The following FUT8 variants were observed in gnomAD, a reference collection of about 807,000 sequenced individuals.
FUT8 encodes alpha-(1,6)-fucosyltransferase.
Under a neutral mutation model 71.3 loss-of-function variants are expected in FUT8, and 29 were observed. That is an observed-to-expected ratio of 0.41 (90% CI 0.30 to 0.55). The LOEUF (loss-of-function observed/expected upper bound fraction) is 0.55, where lower values mean the gene tolerates loss of function less well. Among genes scored for constraint, FUT8 ranks in the 20% least tolerant of loss-of-function variants. The pLI is 0.34. For synonymous variants in FUT8, 254 were observed against 239.3 expected, an observed-to-expected ratio of 1.06 and a Z score of -0.57; for missense variants, 544 against 702.1, an observed-to-expected ratio of 0.77 and a Z score of 2.55.
At chr14:65,639,104 A>T (rs1436562808) in intron 6 of FUT8, among the ~76,000 whole-genome samples, 1 of 152,180 alleles carries the variant, frequency 6.6e-6, no homozygotes, top group East Asian at 1.9e-4. Context: ...AAGATAAAAA[A>T]AAAAATGAAC....
At chr14:65,424,618 A>G (rs2065355530) in intron 1 of FUT8, among the ~76,000 whole-genome samples, 1 of 149,792 alleles carries the variant, frequency 6.7e-6, no homozygotes, top group Admixed American at 6.7e-5. Flanking sequence ...GCTCACTGCA[A>G]CGTCCACCTC....
At chr14:65,651,155 G>A (rs1421282319) in intron 6 of FUT8, among the ~76,000 whole-genome samples, 3 of 152,134 alleles carry the variant, frequency 2.0e-5, no homozygotes, top group Admixed American at 6.5e-5. Context: ...CAACTAGAGT[G>A]TGGAGGGAGG....
chr14:65,537,382 A>G (rs1884389657), intron 2 of FUT8, among the ~76,000 whole-genome samples: 1 of 151,324 alleles, frequency 6.6e-6, no homozygotes, highest in African/African-American at 2.4e-5. Flanking sequence ...TATGATTATT[A>G]TTATTATTAC....
intron 2 of FUT8, among the ~76,000 whole-genome samples, chr14:65,507,940 T>A (rs1156434385): frequency 2.0e-5 from 3 of 152,202 alleles, no homozygotes; most frequent in Non-Finnish European, 4.4e-5. Flanking sequence ...AGGGTTCTCT[T>A]TTTTCCACAT....
intron 5 of FUT8, among the ~76,000 whole-genome samples, chr14:65,620,621 T>G (rs927750493): frequency 2.0e-5 from 3 of 152,202 alleles, no homozygotes; most frequent in Non-Finnish European, 2.9e-5. Context: ...AAAGTTAAGT[T>G]TGGTGAACCT....
intron 1 of FUT8, among the ~76,000 whole-genome samples, chr14:65,440,172 A>C (rs1301102024): frequency 6.6e-6 from 1 of 151,758 alleles, no homozygotes; most frequent in East Asian, 1.9e-4. Flanking sequence ...ATAGAAGCAG[A>C]GAATATAATG....
chr14:65,389,456 C>T, the FUT8 span, among the ~76,000 whole-genome samples: 1 of 151,770 alleles, frequency 6.6e-6, no homozygotes, highest in Non-Finnish European at 1.5e-5. Context: ...GGATTACAGG[C>T]ACTTGCCAAC....
upstream of FUT8, chr14:65,412,513 C>A: frequency 2.8e-6 from 1 of 358,430 alleles, no homozygotes; most frequent in South Asian, 2.1e-5. Context: ...CGAGCCGGAG[C>A]CGGCGTGCGC....
rs575744868 is a variant in FUT8 at position 65,700,455 on chromosome 14, A to G, written c.836-21320A>G. Among the ~76,000 whole-genome samples, 660 of 127,464 alleles carry G rather than the reference A, an allele frequency of 5.2e-3. 1 individual carries two copies. The highest frequency in any genetic ancestry group is 7.8e-3 in the Admixed American group (76 of 9,768). The allele number at this position is 127,464 out of a possible 152,430, so 83.6% of individuals were successfully genotyped here. On this transcript the variant is annotated intron_variant, in intron 7 of 10. Transcript: ENST00000673929. ...GCCCAGGCTGGAGTGCAGTGGCTCA[A>G]TCTTGGCTCACTGCAAGCTCCGCCT... is the stretch of plus-strand genomic sequence containing the variant.
chr14:65,514,087 G>C (rs1160947697), intron 2 of FUT8, among the ~76,000 whole-genome samples: 3 of 152,200 alleles, frequency 2.0e-5, no homozygotes, highest in African/African-American at 7.2e-5. Context: ...ACTGGCTTAG[G>C]GTCTGTAGCA....
At chr14:65,374,339 A>G in the FUT8 span, among the ~76,000 whole-genome samples, 1 of 152,212 alleles carries the variant, frequency 6.6e-6, no homozygotes, top group Non-Finnish European at 1.5e-5. Context: ...ATTGTCTATA[A>G]TGTACTACAT....
chr14:65,600,103 G>A (rs768192061), intron 3 of FUT8, among the ~76,000 whole-genome samples: 5 of 152,122 alleles, frequency 3.3e-5, no homozygotes, highest in Non-Finnish European at 5.9e-5. Flanking sequence ...CCAAGTAAAC[G>A]TAGAATAATG....
intron 6 of FUT8, among the ~76,000 whole-genome samples, chr14:65,663,681 C>CT (rs1445360822): frequency 3.3e-5 from 5 of 152,072 alleles, no homozygotes; most frequent in Non-Finnish European, 5.9e-5. Flanking sequence ...GATTTTCCCT[C>CT]TTTCTTTATG....
At chr14:65,639,599 A>C (rs1320440255) in intron 6 of FUT8, among the ~76,000 whole-genome samples, 1 of 151,654 alleles carries the variant, frequency 6.6e-6, no homozygotes, top group African/African-American at 2.4e-5. Flanking sequence ...CTTTTTTTGG[A>C]TCTTTCTACT....
At chr14:65,739,302 C>G (rs1311193114) in intron 10 of FUT8, among the ~76,000 whole-genome samples, 1 of 152,014 alleles carries the variant, frequency 6.6e-6, no homozygotes, top group Non-Finnish European at 1.5e-5. Flanking sequence ...CAGAGGCCTA[C>G]AGTCACATTT....
intron 6 of FUT8, among the ~76,000 whole-genome samples, chr14:65,666,353 C>G (rs1238311729): frequency 1.3e-5 from 2 of 151,992 alleles, no homozygotes; most frequent in Non-Finnish European, 2.9e-5. Context: ...GGAACATCAC[C>G]ACCAACCCCA....
intron 10 of FUT8, among the ~76,000 whole-genome samples, chr14:65,738,142 C>T (rs1466470947): frequency 1.3e-5 from 2 of 152,120 alleles, no homozygotes; most frequent in African/African-American, 4.8e-5. Flanking sequence ...CTGTACAGTG[C>T]AGCTGTTACT....
At chr14:65,527,070 T>A (rs1883530371) in intron 2 of FUT8, among the ~76,000 whole-genome samples, 1 of 152,206 alleles carries the variant, frequency 6.6e-6, no homozygotes, top group African/African-American at 2.4e-5. Flanking sequence ...GGAGTATCTT[T>A]GTGGCGTTCT....
upstream of FUT8, chr14:65,412,273 CTGA>C (rs1201797738): frequency 2.2e-6 from 1 of 455,762 alleles, no homozygotes. Context: ...GCTGCAGGGG[CTGA>C]GCAGCAGCAG....
Sources: allele counts gnomAD v4.1 joint callset (sites outside exome capture counted in the v4.1 genomes callset), GRCh38; gene constraint gnomAD v4.1.1; transcripts MANE v1.5; gene names NCBI Gene and HGNC (gene_info 2026-07-23, HGNC 2026-07-21).